The following POLK variants were observed in gnomAD, a reference collection of about 807,000 sequenced individuals.
POLK encodes DNA polymerase kappa, also known as polymerase (DNA directed) kappa.
In POLK, 76 loss-of-function variants were observed where a neutral mutation model predicts 94.0. The observed-to-expected ratio is 0.81, with a 90% CI of 0.67 to 0.98. POLK has a LOEUF of 0.98. Among genes scored for constraint, POLK ranks in the 50% least tolerant of loss-of-function variants. The pLI is 0.00. For missense variants in POLK, 954 were observed against 1,010.1 expected, an observed-to-expected ratio of 0.94 and a Z score of 0.75; for synonymous variants, 349 against 325.4, an observed-to-expected ratio of 1.07 and a Z score of -0.78.
downstream of POLK, among the ~76,000 whole-genome samples, chr5:75,602,818 C>T (rs1773326585): frequency 6.6e-6 from 1 of 152,164 alleles, no homozygotes. Context: ...GAGCTATACA[C>T]CTTTCCTCAA....
In POLK at chr5:75,573,870, G is replaced by T. The variant is rs764048812; in HGVS notation, c.540+1G>T. 2 of 1,613,000 alleles carry T rather than the reference G, an allele frequency of 1.2e-6. No homozygotes were observed. Among genetic ancestry groups the T allele is most frequent in the Non-Finnish European group, 1.7e-6 (2 of 1,179,226 alleles). On this transcript the variant is annotated splice_donor_variant, in intron 5 of 14. Coordinates refer to ENST00000241436, the Ensembl canonical transcript of POLK. LOFTEE classifies it high-confidence loss of function. The stretch of plus-strand genomic sequence containing the variant: ...CAAATACCGAGCTGTGAGTAAAGAG[G>T]TAAGTTAATGTCTCACCCCTACTTT...
intron 1 of POLK, among the ~76,000 whole-genome samples, chr5:75,521,343 G>T (rs1470356621): frequency 6.6e-6 from 1 of 151,686 alleles, no homozygotes; most frequent in Admixed American, 6.6e-5. Flanking sequence ...CTAGCTTACT[G>T]ATTGTTTTTT....
chr5:75,585,131 G>A (rs1004296212), intron 9 of POLK, among the ~76,000 whole-genome samples: 6 of 152,212 alleles, frequency 3.9e-5, no homozygotes, highest in African/African-American at 1.4e-4. Flanking sequence ...AGGTTGTGGT[G>A]TCAGCAGTTG....
chr5:75,512,533 A>G (rs1480560571), intron 1 of POLK: 1 of 152,214 alleles, frequency 6.6e-6, no homozygotes, highest in Non-Finnish European at 1.5e-5. Context: ...TCGTATTAGA[A>G]ATACCGAAGT....
chr5:75,550,702 T>C (rs1469571277), intron 2 of POLK, among the ~76,000 whole-genome samples: 1 of 151,996 alleles, frequency 6.6e-6, no homozygotes, highest in Non-Finnish European at 1.5e-5. Flanking sequence ...TTTGATAAAA[T>C]CCCACCACTA....
At chr5:75,560,893 AT>A (rs1369165345) in intron 3 of POLK, among the ~76,000 whole-genome samples, 1 of 151,954 alleles carries the variant, frequency 6.6e-6, no homozygotes, top group African/African-American at 2.4e-5. Flanking sequence ...TATGTGCCAC[AT>A]TTTCTTTATC....
At chr5:75,512,127 C>G (rs1461644749) in intron 1 of POLK, 1 of 247,780 alleles carries the variant, frequency 4.0e-6, no homozygotes, top group Admixed American at 5.2e-5. Flanking sequence ...TGTCGAAAGC[C>G]CGGGAGCATC....
intron 3 of POLK, among the ~76,000 whole-genome samples, chr5:75,554,106 A>G (rs1003326082): frequency 3.3e-5 from 5 of 152,222 alleles, no homozygotes; most frequent in African/African-American, 4.8e-5. Context: ...AAGAAGTTGC[A>G]CACATTACTT....
chr5:75,594,603 G>C (rs1192118572), intron 12 of POLK, among the ~76,000 whole-genome samples: 1 of 152,156 alleles, frequency 6.6e-6, no homozygotes, highest in Non-Finnish European at 1.5e-5. Flanking sequence ...TTGTGGATCT[G>C]GGGCAACACC....
At chr5:75,552,566 A>T (rs1770386573) in exon 3 of POLK, 1 of 1,611,028 alleles carries the variant, frequency 6.2e-7, no homozygotes, top group Admixed American at 1.7e-5. Flanking sequence ...ATCACCAGCC[A>T]ACAGCTAAGA....
At chr5:75,531,879 G>T (rs1051833765) in intron 1 of POLK, among the ~76,000 whole-genome samples, 35 of 152,054 alleles carry the variant, frequency 2.3e-4, no homozygotes, top group Admixed American at 1.8e-3. Context: ...AAATGTCTCT[G>T]GCTCATGAAG....
At chr5:75,571,342 G>C (rs1430645130) in intron 4 of POLK, among the ~76,000 whole-genome samples, 1 of 152,116 alleles carries the variant, frequency 6.6e-6, no homozygotes, top group African/African-American at 2.4e-5. Flanking sequence ...TTTTTGAAAT[G>C]TTCTAACTTG....
At chr5:75,519,612 G>C (rs2112530705) in intron 1 of POLK, among the ~76,000 whole-genome samples, 1 of 152,282 alleles carries the variant, frequency 6.6e-6, no homozygotes, top group Non-Finnish European at 1.5e-5. Context: ...GAATTGACCT[G>C]TTTATCATAA....
chr5:75,549,864 A>G (rs1770248493), intron 2 of POLK, among the ~76,000 whole-genome samples: 1 of 152,146 alleles, frequency 6.6e-6, no homozygotes, highest in Admixed American at 6.5e-5. Context: ...AGGGAGGAGT[A>G]TTTTAAAACA....
At chr5:75,570,693 G>A (rs889435068) in intron 4 of POLK, among the ~76,000 whole-genome samples, 9 of 152,288 alleles carry the variant, frequency 5.9e-5, no homozygotes, top group African/African-American at 1.9e-4. Context: ...GTGGCTGAAA[G>A]TGTGTTGGAA....
At position 75,531,393 on chromosome 5, in the gene POLK, A is replaced by G. The variant is rs567844615; in HGVS notation, c.-13-15617A>G. On this transcript the variant is annotated intron_variant, in intron 1 of 14. Coordinates refer to ENST00000241436, the Ensembl canonical transcript of POLK. Reference sequence around the variant, plus strand: ...AGTATATAGCTACCAGTATATAGCTATTTACACCAGTATATAATATATAGC... The same window carrying G: ...AGTATATAGCTACCAGTATATAGCTGTTTACACCAGTATATAATATATAGC... Among the ~76,000 whole-genome samples the G allele has an allele frequency of 1.3e-3, 204 of 151,814 alleles. 2 individuals carry two copies. Among genetic ancestry groups the G allele is most frequent in the Admixed American group, 1.9e-3 (29 of 15,226 alleles).
At chr5:75,566,675 C>T (rs1030077531) in intron 3 of POLK, among the ~76,000 whole-genome samples, 2 of 152,184 alleles carry the variant, frequency 1.3e-5, no homozygotes, top group African/African-American at 4.8e-5. Context: ...CACCCTGCTT[C>T]TCCTAGCCTT....
At position 75,573,839 on chromosome 5, in the gene POLK, CTTTGACAA is replaced by C. The variant is rs1394559460; in HGVS notation, c.511_518del (p.Phe171IlefsTer6). 6.2e-7 allele frequency: 1 copy of C among 1,613,494 alleles called. No individual in the cohort carries two copies. Among genetic ancestry groups the C allele is most frequent in the South Asian group, 1.1e-5 (1 of 91,060 alleles). ...CACAACTTATAATAGTGCCCCCCAA[CTTTGACAA>C]ATACCGAGCTGTGAGTAAAGAGGTA... On this transcript the variant is annotated frameshift_variant, in exon 5 of 15. Transcript: ENST00000241436. LOFTEE classifies it high-confidence loss of function.
chr5:75,516,468 G>A (rs1378796497), intron 1 of POLK, among the ~76,000 whole-genome samples: 1 of 152,042 alleles, frequency 6.6e-6, no homozygotes, highest in Non-Finnish European at 1.5e-5. Context: ...AAAGAAAAAA[G>A]TTTAAAACAT....
Sources: allele counts gnomAD v4.1 joint callset (sites outside exome capture counted in the v4.1 genomes callset), GRCh38; gene constraint gnomAD v4.1.1; transcripts MANE v1.5; gene names NCBI Gene and HGNC (gene_info 2026-07-23, HGNC 2026-07-21).